GALNT13: variants seen among roughly 807,000 people sequenced by gnomAD.
GALNT13 encodes UDP-GalNAc:polypeptide N-acetylgalactosaminyltransferase 13.
GALNT13 carries 28 observed loss-of-function variants against 64.2 expected under a neutral mutation model. The observed-to-expected ratio is 0.44, with a 90% CI of 0.32 to 0.60. GALNT13 has a LOEUF of 0.60. Ranked by LOEUF, GALNT13 falls within the 20% of genes least tolerant of loss-of-function variation. GALNT13 has a pLI of 0.05. For missense variants in GALNT13, 577 were observed against 669.8 expected (o/e 0.86, Z 1.53); for synonymous variants, 214 against 224.6 (o/e 0.95, Z 0.42).
At chr2:153,306,312 A>G in the GALNT13 span, among the ~76,000 whole-genome samples, 1 of 152,206 alleles carries the variant, frequency 6.6e-6, no homozygotes, top group Non-Finnish European at 1.5e-5. Flanking sequence ...AACTAACTTC[A>G]GCTTCTTTTT....
At chr2:153,305,098 G>T in the GALNT13 span, among the ~76,000 whole-genome samples, 1 of 152,036 alleles carries the variant, frequency 6.6e-6, no homozygotes, top group Admixed American at 6.6e-5. Flanking sequence ...CACTAGCTTG[G>T]AATAGTAGGA....
chr2:154,051,522 C>G (rs1440898197), intron 3 of GALNT13, among the ~76,000 whole-genome samples: 1 of 151,362 alleles, frequency 6.6e-6, no homozygotes, highest in Non-Finnish European at 1.5e-5. Flanking sequence ...GATCTCCTGA[C>G]CTCATGATCC....
At chr2:154,160,912 C>A (rs1468995) in intron 4 of GALNT13, among the ~76,000 whole-genome samples, 27,781 of 152,204 alleles carry the variant, frequency 0.18, 3,330 homozygotes, top group Non-Finnish European at 0.26. Flanking sequence ...GTACTGCTAT[C>A]TTTCCAATGG....
the GALNT13 span, among the ~76,000 whole-genome samples, chr2:153,745,755 CTG>C: frequency 6.6e-6 from 1 of 152,160 alleles, no homozygotes; most frequent in Non-Finnish European, 1.5e-5. Context: ...TGGTCACACT[CTG>C]TCACCTGGAC....
chr2:153,640,780 A>G, the GALNT13 span, among the ~76,000 whole-genome samples: 16 of 152,166 alleles, frequency 1.1e-4, no homozygotes, highest in South Asian at 2.1e-4. Context: ...AGACTGTCCC[A>G]AAAAAAGTTT....
At chr2:153,182,812 A>G in the GALNT13 span, among the ~76,000 whole-genome samples, 8 of 152,352 alleles carry the variant, frequency 5.3e-5, 1 homozygote, top group Middle Eastern at 3.4e-3. Context: ...TTATGGCTGC[A>G]TATTATTTCA....
chr2:153,885,170 A>G (rs1182323117), intron 1 of GALNT13, among the ~76,000 whole-genome samples: 1 of 152,018 alleles, frequency 6.6e-6, no homozygotes, highest in Non-Finnish European at 1.5e-5. Context: ...TTTTATTGAG[A>G]ATAAAGTGAA....
chr2:154,395,917 C>A, intron 9 of GALNT13, 74 bp from the exon 10 acceptor site: 4 of 1,303,462 alleles, frequency 3.1e-6, no homozygotes, highest in Middle Eastern at 3.9e-4. Flanking sequence ...AAACTGATAG[C>A]AAAGTAAATG....
At chr2:153,449,729 G>A in the GALNT13 span, 1 of 158,732 alleles carries the variant, frequency 6.3e-6, no homozygotes, top group African/African-American at 2.4e-5. Flanking sequence ...GTCTTGTAAG[G>A]GCTGCTCTAT....
In GALNT13 at chr2:154,245,936, CAA is replaced by C. The variant is rs1559046443; in HGVS notation, c.813_814del (p.Glu273AsnfsTer25). 1 of 1,613,078 alleles carries C rather than the reference CAA, an allele frequency of 6.2e-7. No homozygotes were observed. The highest frequency in any genetic ancestry group is 8.5e-7 in the Non-Finnish European group (1 of 1,179,370). On this transcript the variant is annotated frameshift_variant, in exon 7 of 13. Coordinates refer to ENST00000392825, the MANE Select transcript of GALNT13 (RefSeq NM_052917.4). LOFTEE classifies it high-confidence loss of function. ...GAATTTCCGCTGGTATCCTGTTCCC[CAA>C]AGAGAAATGGACAGGAGGAAAGGAG... ...KLNFRWYPVPQREMDRRKGDR... is the reference protein window; with the variant it reads ...KLNFRWYPVPXREMDRRKGDR...
chr2:153,730,677 C>A, the GALNT13 span, among the ~76,000 whole-genome samples: 1 of 151,652 alleles, frequency 6.6e-6, no homozygotes. Context: ...CCAGAATCTA[C>A]AGGGAACTCA....
At chr2:153,807,254 TAC>T in the GALNT13 span, among the ~76,000 whole-genome samples, 1 of 151,920 alleles carries the variant, frequency 6.6e-6, no homozygotes, top group Non-Finnish European at 1.5e-5. Context: ...TATATATATA[TAC>T]ATGTACATAT....
At chr2:154,329,777 G>A (rs1242732626) in intron 9 of GALNT13, among the ~76,000 whole-genome samples, 1 of 144,666 alleles carries the variant, frequency 6.9e-6, no homozygotes. Context: ...TCCTGAGAGA[G>A]CTGGTTGTTA....
the GALNT13 span, among the ~76,000 whole-genome samples, chr2:153,261,645 A>C: frequency 6.6e-6 from 1 of 152,126 alleles, no homozygotes; most frequent in Non-Finnish European, 1.5e-5. Context: ...CCAGCGTACC[A>C]CTGGGTTTTG....
the GALNT13 span, among the ~76,000 whole-genome samples, chr2:153,248,659 C>T: frequency 6.6e-6 from 1 of 150,938 alleles, no homozygotes; most frequent in Non-Finnish European, 1.5e-5. Flanking sequence ...TAAAAAAATA[C>T]AAAAAAATTA....
the GALNT13 span, among the ~76,000 whole-genome samples, chr2:153,088,053 A>T: frequency 1.3e-5 from 2 of 151,668 alleles, no homozygotes; most frequent in African/African-American, 4.8e-5. Context: ...TTGAGGTGTA[A>T]CCTTAGACTG....
chr2:153,139,629 C>A, the GALNT13 span, among the ~76,000 whole-genome samples: 1 of 151,828 alleles, frequency 6.6e-6, no homozygotes, highest in Non-Finnish European at 1.5e-5. Context: ...CAGAGGACAA[C>A]AAAAGCAAAG....
the GALNT13 span, among the ~76,000 whole-genome samples, chr2:153,846,298 A>G: frequency 6.6e-6 from 1 of 152,160 alleles, no homozygotes; most frequent in Non-Finnish European, 1.5e-5. Context: ...GGACTGTAAT[A>G]TACACAAGGA....
At chr2:153,295,092 G>T in the GALNT13 span, among the ~76,000 whole-genome samples, 1 of 152,216 alleles carries the variant, frequency 6.6e-6, no homozygotes, top group East Asian at 1.9e-4. Context: ...TCTCCTGGTG[G>T]TGTTCCAGGA....
Sources: allele counts gnomAD v4.1 joint callset (sites outside exome capture counted in the v4.1 genomes callset), GRCh38; gene constraint gnomAD v4.1.1; transcripts MANE v1.5; gene names NCBI Gene and HGNC (gene_info 2026-07-23, HGNC 2026-07-21).